GNG4: variants seen among roughly 807,000 people sequenced by gnomAD.
GNG4 encodes the protein guanine nucleotide-binding protein G(I)/G(S)/G(O) subunit gamma-4.
In GNG4, 4 loss-of-function variants were observed where a neutral mutation model predicts 5.8. The observed-to-expected ratio is 0.69, with a 90% CI of 0.34 to 1.57. GNG4 has a LOEUF of 1.57. Ranked by LOEUF, GNG4 falls within the 40% of genes most tolerant of loss-of-function variation. GNG4 has a pLI of 0.06. For missense variants in GNG4, 96 were observed against 95.1 expected, an observed-to-expected ratio of 1.01 and a Z score of -0.04; for synonymous variants, 29 against 32.9, an observed-to-expected ratio of 0.88 and a Z score of 0.41.
chr1:235,556,556 CAA>C (rs35257216), intron 3 of GNG4, among the ~76,000 whole-genome samples: 2,430 of 87,302 alleles, frequency 0.028, 67 homozygotes, highest in African/African-American at 0.092. Context: ...GACTCTGTCT[CAA>C]AAAAAAAAAA....
Position 235,648,698 on chromosome 1 carries a change from G to C in GNG4, c.-123+964C>G, listed in dbSNP as rs536864802. Among the ~76,000 whole-genome samples, 47 of 152,230 alleles carry C rather than the reference G, an allele frequency of 3.1e-4. No homozygotes were observed. Among genetic ancestry groups the C allele is most frequent in the Non-Finnish European group, 5.9e-4 (40 of 68,040 alleles). On this transcript the variant is annotated intron_variant, in intron 1 of 3. Transcript: ENST00000391854. The surrounding 1 kb of genome is among the most constrained non-coding windows in gnomAD (Gnocchi z 5.0). ...CGTTTTAATGGAGCACACGGGCGCA[G>C]CCTAGGCGGCCTTTTGCTCCGGCTG...
At chr1:235,557,544 T>TA (rs1243528892) in intron 3 of GNG4, among the ~76,000 whole-genome samples, 1 of 152,100 alleles carries the variant, frequency 6.6e-6, no homozygotes, top group Non-Finnish European at 1.5e-5. Context: ...CCCTTCTGTC[T>TA]ACACATACAA....
chr1:235,599,169 G>C (rs1323083103), intron 1 of GNG4, among the ~76,000 whole-genome samples: 1 of 152,184 alleles, frequency 6.6e-6, no homozygotes, highest in Non-Finnish European at 1.5e-5. Context: ...GGGACCTCGG[G>C]GAGGCTGCAT....
chr1:235,606,486 C>T (rs1484553665), intron 1 of GNG4, among the ~76,000 whole-genome samples: 1 of 151,874 alleles, frequency 6.6e-6, no homozygotes, highest in East Asian at 1.9e-4. Flanking sequence ...GGTGGAAGAG[C>T]CAGGGGATGT....
At chr1:235,632,524 G>A (rs1239722169) in intron 1 of GNG4, among the ~76,000 whole-genome samples, 1 of 152,240 alleles carries the variant, frequency 6.6e-6, no homozygotes, top group African/African-American at 2.4e-5. Flanking sequence ...ACTGGAAAAA[G>A]TATTTTTCAG....
At position 235,642,598 on chromosome 1, in the gene GNG4, G is replaced by C. The variant is rs1232333285; in HGVS notation, c.-123+7064C>G. ...GGCTGTGGTTTTGCAGAGGCGGGCAGGAGGGGCAGGGGGCCAGGGAGAGGG... is the reference window on the plus strand; with the variant it reads ...GGCTGTGGTTTTGCAGAGGCGGGCACGAGGGGCAGGGGGCCAGGGAGAGGG... On this transcript the variant is annotated intron_variant, in intron 1 of 3. Transcript: ENST00000391854. The surrounding 1 kb of genome is among the most constrained non-coding windows in gnomAD (Gnocchi z 4.3). 1.3e-5 allele frequency among the ~76,000 whole-genome samples: 2 copies of C among 152,170 alleles called. No homozygotes were observed. Among genetic ancestry groups the C allele is most frequent in the Non-Finnish European group, 2.9e-5 (2 of 68,030 alleles).
chr1:235,649,086 GAC>G lies in GNG4; in HGVS notation c.-123+574_-123+575del, dbSNP rs1419075445. Among the ~76,000 whole-genome samples the G allele has an allele frequency of 1.3e-5, 2 of 152,160 alleles. No individual in the cohort carries two copies. The highest frequency in any genetic ancestry group is 2.9e-5 in the Non-Finnish European group (2 of 68,030). On this transcript the variant is annotated intron_variant, in intron 1 of 3. Transcript: ENST00000391854. The surrounding 1 kb of genome is among the most constrained non-coding windows in gnomAD (Gnocchi z 5.7). ...ATTTCAGTTCAGCACCAGCCTCGGG[GAC>G]AGACGCCATCAAGGAGGTGAGGAAA...
intron 3 of GNG4, among the ~76,000 whole-genome samples, chr1:235,582,028 G>T (rs938416936): frequency 3.9e-5 from 6 of 152,188 alleles, no homozygotes; most frequent in Non-Finnish European, 8.8e-5. Flanking sequence ...CATGGGGCTT[G>T]ACAGCTGGAT....
chr1:235,629,880 C>T (rs1688897515), intron 1 of GNG4, among the ~76,000 whole-genome samples: 1 of 152,174 alleles, frequency 6.6e-6, no homozygotes, highest in East Asian at 1.9e-4. Flanking sequence ...GCATGAGCCA[C>T]CATGCCTGGC....
chr1:235,618,034 G>A (rs1323465426), intron 1 of GNG4, among the ~76,000 whole-genome samples: 1 of 152,154 alleles, frequency 6.6e-6, no homozygotes, highest in Non-Finnish European at 1.5e-5. Context: ...GGAGATATCT[G>A]CACAGTGGCA....
At chr1:235,628,406 T>G (rs1688863339) in intron 1 of GNG4, among the ~76,000 whole-genome samples, 1 of 146,330 alleles carries the variant, frequency 6.8e-6, no homozygotes, top group African/African-American at 2.7e-5. Flanking sequence ...CACAAAGCCT[T>G]GTTAGGAGAC....
intron 1 of GNG4, among the ~76,000 whole-genome samples, chr1:235,624,033 C>T (rs1688760103): frequency 6.6e-6 from 1 of 152,098 alleles, no homozygotes; most frequent in Non-Finnish European, 1.5e-5. Flanking sequence ...GTGAAAAGCA[C>T]ATGCCTGAAG....
At chr1:235,631,859 C>T (rs1313407679) in intron 1 of GNG4, among the ~76,000 whole-genome samples, 4 of 152,234 alleles carry the variant, frequency 2.6e-5, no homozygotes, top group East Asian at 1.9e-4. Flanking sequence ...TGAGCCACCG[C>T]GCCTGGCCAG....
At position 235,548,148 on chromosome 1, in the gene GNG4, T is replaced by A. The variant is rs758117527; in HGVS notation, c.*3961A>T. On this transcript the variant is annotated 3_prime_UTR_variant, in exon 4 of 4. Transcript: ENST00000391854. ...TGTTTTTGTGAAGATTTAGAGCATG[T>A]CTCTGGATGAACACATGTACACATT... is the stretch of plus-strand genomic sequence containing the variant. 5 of 152,184 alleles carry A rather than the reference T, an allele frequency of 3.3e-5. No homozygotes were observed. Among genetic ancestry groups the A allele is most frequent in the Non-Finnish European group, 7.3e-5 (5 of 68,054 alleles). 9.4% of individuals were successfully genotyped at this position (152,184 alleles called of 1,614,324 possible).
chr1:235,587,654 T>TA (rs1331573015), intron 2 of GNG4, among the ~76,000 whole-genome samples: 12 of 2,488 alleles, frequency 4.8e-3, no homozygotes, highest in South Asian at 0.012. Context: ...TGGGAGGGTG[T>TA]TGGGTGTGTG....
chr1:235,582,002 T>C (rs991356502), intron 3 of GNG4, among the ~76,000 whole-genome samples: 5 of 152,196 alleles, frequency 3.3e-5, no homozygotes, highest in Non-Finnish European at 7.3e-5. Flanking sequence ...GCCCACTGTC[T>C]TTTCAGGTCT....
At chr1:235,577,485 G>C (rs1257563936) in intron 3 of GNG4, among the ~76,000 whole-genome samples, 1 of 151,986 alleles carries the variant, frequency 6.6e-6, no homozygotes, top group Admixed American at 6.6e-5. Context: ...CTGTCACCCA[G>C]GCTGGAGTGC....
intron 1 of GNG4, among the ~76,000 whole-genome samples, chr1:235,597,337 G>A (rs2102957984): frequency 6.6e-6 from 1 of 152,318 alleles, no homozygotes; most frequent in South Asian, 2.1e-4. Flanking sequence ...GAGATGGTTT[G>A]AAGTTGTGCT....
intron 1 of GNG4, among the ~76,000 whole-genome samples, chr1:235,638,314 A>C (rs1237432451): frequency 6.6e-6 from 1 of 152,116 alleles, no homozygotes; most frequent in Non-Finnish European, 1.5e-5. Flanking sequence ...AAAACAATGC[A>C]GTTTTATTAT....
Sources: allele counts gnomAD v4.1 joint callset (sites outside exome capture counted in the v4.1 genomes callset), GRCh38; gene constraint gnomAD v4.1.1; non-coding constraint Gnocchi (gnomAD v3.1); transcripts MANE v1.5; gene names NCBI Gene and HGNC (gene_info 2026-07-23, HGNC 2026-07-21).